OSBPL10: variants seen among roughly 807,000 people sequenced by gnomAD.
OSBPL10 encodes the protein oxysterol-binding protein-related protein 10.
OSBPL10 carries 49 observed loss-of-function variants against 81.7 expected under a neutral mutation model. The observed-to-expected ratio is 0.60, with a 90% confidence interval of 0.48 to 0.76. The LOEUF (loss-of-function observed/expected upper bound fraction) is 0.76. Among genes scored for constraint, OSBPL10 ranks in the 30% least tolerant of loss-of-function variants. The pLI is 0.00. For missense variants in OSBPL10, 923 were observed against 987.8 expected, an observed-to-expected ratio of 0.93 and a Z score of 0.88; for synonymous variants, 419 against 383.6, an observed-to-expected ratio of 1.09 and a Z score of -1.08.
At chr3:31,716,476 C>T (rs770413590) in intron 6 of OSBPL10, among the ~76,000 whole-genome samples, 10 of 152,232 alleles carry the variant, frequency 6.6e-5, no homozygotes, top group African/African-American at 1.9e-4. Context: ...GAGATTTGGG[C>T]GCACTCTAAC....
intron 3 of OSBPL10, among the ~76,000 whole-genome samples, chr3:31,844,701 T>C (rs991968775): frequency 6.6e-6 from 1 of 152,202 alleles, no homozygotes; most frequent in African/African-American, 2.4e-5. Context: ...GTAGCAAAAA[T>C]TGTTTTGGAA....
intron 8 of OSBPL10, among the ~76,000 whole-genome samples, chr3:31,675,529 TC>T (rs1559409799): frequency 2.6e-5 from 4 of 152,160 alleles, no homozygotes; most frequent in Admixed American, 1.3e-4. Context: ...AGAAGGCGAT[TC>T]TAAACTCAGC....
intron 3 of OSBPL10, among the ~76,000 whole-genome samples, chr3:31,839,878 T>C (rs1700450507): frequency 2.8e-5 from 1 of 35,258 alleles, no homozygotes; most frequent in African/African-American, 5.4e-5. Flanking sequence ...ACACAGAGAA[T>C]GACAAGCAAA....
At chr3:31,872,605 T>A (rs1011635292) in intron 3 of OSBPL10, among the ~76,000 whole-genome samples, 6 of 149,850 alleles carry the variant, frequency 4.0e-5, no homozygotes, top group Non-Finnish European at 7.4e-5. Flanking sequence ...CACAACAGCA[T>A]GGATGAAATT....
intron 11 of OSBPL10, chr3:31,663,319 GA>G: frequency 1.0e-6 from 1 of 985,460 alleles, no homozygotes; most frequent in Non-Finnish European, 1.2e-6. Flanking sequence ...ATCACTGGAA[GA>G]TGAGTGGCAT....
intron 4 of OSBPL10, among the ~76,000 whole-genome samples, chr3:31,788,859 T>C (rs1575545089): frequency 6.6e-6 from 1 of 152,170 alleles, no homozygotes; most frequent in East Asian, 1.9e-4. Context: ...ATTTGGAAAA[T>C]ACAGAAGGCA....
At chr3:31,708,758 G>A in intron 6 of OSBPL10, 1 of 985,428 alleles carries the variant, frequency 1.0e-6, no homozygotes, top group Non-Finnish European at 1.2e-6. Context: ...TCCTCTGGAA[G>A]AGTCTTTTTG....
chr3:31,684,390 C>G (rs1419158900), intron 7 of OSBPL10, among the ~76,000 whole-genome samples: 1 of 152,220 alleles, frequency 6.6e-6, no homozygotes, highest in African/African-American at 2.4e-5. Context: ...GTCTCTGTCT[C>G]AGTCTCCACT....
At chr3:31,945,078 G>A (rs1697660087) in intron 1 of OSBPL10, among the ~76,000 whole-genome samples, 1 of 149,820 alleles carries the variant, frequency 6.7e-6, no homozygotes, top group South Asian at 2.1e-4. Flanking sequence ...TTGAACCTGG[G>A]AGGCAGAGGT....
chr3:31,735,212 G>A (rs1049051411), intron 5 of OSBPL10, among the ~76,000 whole-genome samples: 1 of 152,244 alleles, frequency 6.6e-6, no homozygotes, highest in African/African-American at 2.4e-5. Flanking sequence ...GCTGAGGCGG[G>A]TGAATCACTT....
intron 2 of OSBPL10, among the ~76,000 whole-genome samples, chr3:32,019,432 A>G (rs1699342486): frequency 6.6e-6 from 1 of 152,256 alleles, no homozygotes. Context: ...ATGAACTATT[A>G]AATCACATTA....
At chr3:31,964,488 C>T (rs1698257157) in intron 1 of OSBPL10, among the ~76,000 whole-genome samples, 1 of 152,216 alleles carries the variant, frequency 6.6e-6, no homozygotes, top group Non-Finnish European at 1.5e-5. Context: ...AAGCAGTGGT[C>T]TCAGAACCTC....
chr3:31,782,337 G>C (rs945202949), intron 4 of OSBPL10, among the ~76,000 whole-genome samples: 2 of 152,094 alleles, frequency 1.3e-5, no homozygotes, highest in Admixed American at 1.3e-4. Flanking sequence ...ACAAATTCTA[G>C]ACGATAACAT....
chr3:31,683,577 C>T, intron 8 of OSBPL10, 57 bp downstream of exon 8: 1 of 1,556,086 alleles, frequency 6.4e-7, no homozygotes, highest in South Asian at 1.2e-5. Flanking sequence ...CAATCATCTA[C>T]CAGGTATAGA....
chr3:31,782,112 C>T (rs1698711907), intron 4 of OSBPL10, among the ~76,000 whole-genome samples: 1 of 152,072 alleles, frequency 6.6e-6, no homozygotes, highest in African/African-American at 2.4e-5. Context: ...TGCACATAGA[C>T]CAATGGAACA....
intron 1 of OSBPL10, among the ~76,000 whole-genome samples, chr3:32,063,328 A>C (rs1212715843): frequency 1.1e-5 from 1 of 91,766 alleles, no homozygotes; most frequent in African/African-American, 2.8e-5. Flanking sequence ...ATGGGGAAGC[A>C]AGGGGTTTAG....
chr3:31,990,213 C>T, intron 2 of OSBPL10: 2 of 1,613,956 alleles, frequency 1.2e-6, no homozygotes, highest in Non-Finnish European at 1.7e-6. Flanking sequence ...GTGGCAAAGC[C>T]TTTAGTGGGC....
chr3:32,032,286 G>T (rs887785965), intron 2 of OSBPL10, among the ~76,000 whole-genome samples: 1 of 152,002 alleles, frequency 6.6e-6, no homozygotes, highest in African/African-American at 2.4e-5. Flanking sequence ...ATGATGGGGG[G>T]CACCTGTAAT....
chr3:32,038,165 C>T lies in OSBPL10; in HGVS notation n.298+8326G>A, dbSNP rs915584246. 3.0e-4 allele frequency among the ~76,000 whole-genome samples: 46 copies of T among 151,942 alleles called. 1 individual carries two copies. Among genetic ancestry groups the T allele is most frequent in the African/African-American group, 1.0e-3 (42 of 41,432 alleles). On this transcript the variant is annotated intron_variant and non_coding_transcript_variant, in intron 2 of 3. Coordinates refer to the OSBPL10 transcript ENST00000479173. ...GCCCTTAGAAAGATGTGGATAAGCA[C>T]AATCTAAAAAGTCAGAATGTATTAC... is the stretch of plus-strand genomic sequence containing the variant.
Sources: gnomAD v4.1 joint callset for allele counts (sites outside exome capture counted in the v4.1 genomes callset) on GRCh38, gnomAD v4.1.1 for gene constraint, MANE v1.5 for transcripts, NCBI Gene and HGNC (gene_info 2026-07-23, HGNC 2026-07-21) for gene names.